Variants in CNTNAP2 observed in about 807,000 individuals in gnomAD.
The protein encoded by CNTNAP2 is contactin-associated protein-like 2.
CNTNAP2 carries 98 observed loss-of-function variants against 155.2 expected under a neutral mutation model. The ratio of observed to expected loss-of-function variants is 0.63; its 90% CI spans 0.54 to 0.75. The LOEUF is 0.75. Among genes scored for constraint, CNTNAP2 ranks in the 30% least tolerant of loss-of-function variants. The pLI is 0.00. For synonymous variants in CNTNAP2, 651 were observed against 631.2 expected, an observed-to-expected ratio of 1.03 and a Z score of -0.47; for missense variants, 1,727 against 1,688.1, an observed-to-expected ratio of 1.02 and a Z score of -0.40.
intron 17 of CNTNAP2, among the ~76,000 whole-genome samples, chr7:148,148,572 AG>A (rs1167650549): frequency 7.9e-5 from 12 of 152,362 alleles, no homozygotes; most frequent in African/African-American, 2.9e-4. Flanking sequence ...AAGCAAGATA[AG>A]AATGTGACTT....
chr7:146,993,285 G>C (rs1320482138), intron 3 of CNTNAP2, among the ~76,000 whole-genome samples: 4 of 152,140 alleles, frequency 2.6e-5, no homozygotes, highest in South Asian at 2.1e-4. Flanking sequence ...TGCATGTGCA[G>C]TGGGCTGCTG....
At chr7:148,160,495 TG>T (rs1805501418) in intron 17 of CNTNAP2, among the ~76,000 whole-genome samples, 1 of 152,154 alleles carries the variant, frequency 6.6e-6, no homozygotes, top group African/African-American at 2.4e-5. Context: ...TGTTATAACC[TG>T]GTATTTTTTG....
intron 17 of CNTNAP2, among the ~76,000 whole-genome samples, chr7:148,159,663 C>T (rs181447080): frequency 1.3e-5 from 2 of 152,258 alleles, no homozygotes; most frequent in Admixed American, 1.3e-4. Flanking sequence ...GTGTGTGTGC[C>T]TCTGTGTGTC....
chr7:146,500,157 A>G (rs1368077478), intron 1 of CNTNAP2, among the ~76,000 whole-genome samples: 1 of 152,158 alleles, frequency 6.6e-6, no homozygotes. Context: ...AGGTGTTACC[A>G]AAACAGATTA....
At chr7:146,678,852 T>C (rs932105156) in intron 1 of CNTNAP2, among the ~76,000 whole-genome samples, 5 of 152,206 alleles carry the variant, frequency 3.3e-5, no homozygotes, top group Non-Finnish European at 7.3e-5. Flanking sequence ...TAATTTGAAA[T>C]TGCATTCTAA....
At chr7:147,856,241 G>C (rs572544051) in intron 13 of CNTNAP2, among the ~76,000 whole-genome samples, 1 of 152,008 alleles carries the variant, frequency 6.6e-6, no homozygotes, top group African/African-American at 2.4e-5. Flanking sequence ...TTCTAGTCTC[G>C]AGCATAAAAT....
At chr7:146,165,565 A>G (rs1798299968) in intron 1 of CNTNAP2, among the ~76,000 whole-genome samples, 1 of 152,198 alleles carries the variant, frequency 6.6e-6, no homozygotes, top group Non-Finnish European at 1.5e-5. Flanking sequence ...AGTATTTTTG[A>G]CTGAATAATT....
intron 18 of CNTNAP2, among the ~76,000 whole-genome samples, chr7:148,192,938 T>TA (rs1795223732): frequency 1.3e-5 from 2 of 152,210 alleles, no homozygotes; most frequent in African/African-American, 4.8e-5. Flanking sequence ...TGTGTCTTTC[T>TA]AAAAATTAAC....
At chr7:146,917,749 G>T (rs1796423257) in intron 3 of CNTNAP2, among the ~76,000 whole-genome samples, 1 of 152,068 alleles carries the variant, frequency 6.6e-6, no homozygotes, top group Non-Finnish European at 1.5e-5. Context: ...TTTTATAAAA[G>T]GGAGTTTTCC....
chr7:146,279,778 G>T (rs1030203146), intron 1 of CNTNAP2, among the ~76,000 whole-genome samples: 6 of 151,576 alleles, frequency 4.0e-5, no homozygotes, highest in South Asian at 2.1e-4. Flanking sequence ...AAATTATTTT[G>T]CAACCTTTTA....
At chr7:147,602,164 G>A (rs1800960164) in intron 12 of CNTNAP2, among the ~76,000 whole-genome samples, 1 of 151,664 alleles carries the variant, frequency 6.6e-6, no homozygotes, top group African/African-American at 2.4e-5. Context: ...TCTTCATACA[G>A]TTGGGGTATT....
intron 1 of CNTNAP2, among the ~76,000 whole-genome samples, chr7:146,579,328 A>C: frequency 6.6e-6 from 1 of 152,182 alleles, no homozygotes; most frequent in Non-Finnish European, 1.5e-5. Flanking sequence ...AGGATCTATA[A>C]ACCTAAATAA....
At chr7:146,739,049 T>C (rs2129180737) in intron 1 of CNTNAP2, among the ~76,000 whole-genome samples, 1 of 152,038 alleles carries the variant, frequency 6.6e-6, no homozygotes, top group East Asian at 1.9e-4. Context: ...TAACTAAAGA[T>C]TTGTTGATTT....
At chr7:146,254,052 AC>A (rs1305767361) in intron 1 of CNTNAP2, among the ~76,000 whole-genome samples, 6 of 152,066 alleles carry the variant, frequency 3.9e-5, no homozygotes, top group African/African-American at 1.4e-4. Flanking sequence ...ACAGAACAAG[AC>A]ACTGACTCAT....
intron 1 of CNTNAP2, among the ~76,000 whole-genome samples, chr7:146,688,549 C>T (rs1800642880): frequency 6.6e-6 from 1 of 152,066 alleles, no homozygotes. Flanking sequence ...TCACAAGGTG[C>T]TCCTGAGATT....
At chr7:147,447,501 C>T (rs539140223) in intron 10 of CNTNAP2, among the ~76,000 whole-genome samples, 48 of 152,210 alleles carry the variant, frequency 3.2e-4, no homozygotes, top group African/African-American at 9.4e-4. Flanking sequence ...CTGCAACCTC[C>T]GCCTCCTGGG....
rs184015767 is a variant in CNTNAP2, at chr7:147,021,466, A to G, written c.403-22441A>G. 7.9e-5 allele frequency among the ~76,000 whole-genome samples: 12 copies of G among 152,236 alleles called. No individual in the cohort carries two copies. The East Asian group carries it at 2.1e-3, about 27-fold the overall frequency. On this transcript the variant is annotated intron_variant, in intron 3 of 23. Coordinates refer to ENST00000361727, the MANE Select transcript of CNTNAP2 (RefSeq NM_014141.6). ...TGTATGATATATTTCTCAGACTACC[A>G]CTATCCTGATCAGTGTAAAAGATAA...
At chr7:147,973,405 C>A (rs1407015176) in intron 14 of CNTNAP2, among the ~76,000 whole-genome samples, 1 of 152,070 alleles carries the variant, frequency 6.6e-6, no homozygotes, top group African/African-American at 2.4e-5. Context: ...TCTCAGCTGA[C>A]AATTCTTTCC....
chr7:147,601,772 T>G (rs1456042759), intron 12 of CNTNAP2, among the ~76,000 whole-genome samples: 1 of 151,690 alleles, frequency 6.6e-6, no homozygotes, highest in East Asian at 1.9e-4. Context: ...TCCTGTAATT[T>G]TTTTATGTAC....
Sources: gnomAD v4.1 joint callset for allele counts (sites outside exome capture counted in the v4.1 genomes callset) on GRCh38, gnomAD v4.1.1 for gene constraint, MANE v1.5 for transcripts, NCBI Gene and HGNC (gene_info 2026-07-23, HGNC 2026-07-21) for gene names.